SBNO1: variants seen among roughly 807,000 people sequenced by gnomAD.
SBNO1 encodes strawberry notch homolog 1.
Under a neutral mutation model 173.6 loss-of-function variants are expected in SBNO1, and 23 were observed. That is an observed-to-expected ratio of 0.13 (90% confidence interval 0.10 to 0.19). The LOEUF is 0.19. Ranked by LOEUF, SBNO1 falls within the 10% of genes least tolerant of loss-of-function variation. The pLI, the probability that SBNO1 is intolerant of heterozygous loss-of-function variation, is 1.00. For missense variants in SBNO1, 1,238 were observed against 1,671.2 expected (o/e 0.74, Z 4.52); for synonymous variants, 632 against 571.5 (o/e 1.11, Z -1.51).
At chr12:123,310,930 G>A (rs1232044396) in intron 25 of SBNO1, 125 bp downstream of exon 25, 2 of 691,016 alleles carry the variant, frequency 2.9e-6, no homozygotes, top group South Asian at 1.7e-5. Context: ...ATACCCCACA[G>A]CAGCCAAAAC....
In SBNO1 at chr12:123,350,322, C is replaced by T. The variant is rs778162771; in HGVS notation, c.120G>A (p.Pro40=). 1.9e-5 allele frequency: 31 copies of T among 1,613,862 alleles called. No individual in the cohort carries two copies. The highest frequency in any genetic ancestry group is 2.5e-5 in the Non-Finnish European group (30 of 1,179,958). Residue 40 remains proline, a synonymous_variant, in exon 2 of 32, where the codon CCG becomes CCA. Transcript: ENST00000602398. Reference sequence around the variant, plus strand: ...GGAAAACTCTTACCTGCTGAACTGACGGGGTAGGCATTGGAGTTGCAAGCC... The same window carrying T: ...GGAAAACTCTTACCTGCTGAACTGATGGGGTAGGCATTGGAGTTGCAAGCC... ...DAGLATPMPT[P]SVQQSVPLSA...
chr12:123,301,518 G>A (rs1412522142), intron 30 of SBNO1, among the ~76,000 whole-genome samples: 2 of 152,146 alleles, frequency 1.3e-5, no homozygotes, highest in African/African-American at 4.8e-5. Flanking sequence ...GATACTGTAA[G>A]AGCATTAACT....
At chr12:123,344,176 C>A (rs1872854354) in intron 4 of SBNO1, among the ~76,000 whole-genome samples, 1 of 152,178 alleles carries the variant, frequency 6.6e-6, no homozygotes, top group African/African-American at 2.4e-5. Context: ...GCATCTTCCA[C>A]CAACTGTCGA....
At chr12:123,315,238 T>C (rs1361961594) in intron 23 of SBNO1, 135 bp downstream of exon 23, 12 of 650,288 alleles carry the variant, frequency 1.8e-5, no homozygotes, top group South Asian at 1.5e-4. Flanking sequence ...TTCTGTCTTA[T>C]AGGAAGCCAT....
chr12:123,328,628 C>T, intron 10 of SBNO1, 106 bp downstream of exon 10: 1 of 924,476 alleles, frequency 1.1e-6, no homozygotes, highest in Admixed American at 2.9e-5. Flanking sequence ...TTAAAGTTTT[C>T]ACTCCAGCAA....
At chr12:123,346,153 C>T (rs1873108787) in intron 3 of SBNO1, among the ~76,000 whole-genome samples, 1 of 152,184 alleles carries the variant, frequency 6.6e-6, no homozygotes, top group Non-Finnish European at 1.5e-5. Flanking sequence ...CAGTGGTGTG[C>T]ACCTGCATTT....
At chr12:123,348,496 G>C (rs1873487928) in intron 2 of SBNO1, among the ~76,000 whole-genome samples, 2 of 152,262 alleles carry the variant, frequency 1.3e-5, no homozygotes, top group Admixed American at 6.5e-5. Flanking sequence ...GCCAGGCGCA[G>C]TGGCTCACGC....
rs141388189 is a variant in SBNO1 at position 123,310,732 on chromosome 12, A to G, written c.3295+323T>C. ...GTATTTTTAGTAGAGATGGGGTTTC[A>G]TCATATTGGCCAGGCTGGTTGCAAA... On this transcript the variant is annotated intron_variant, in intron 25 of 31. Coordinates refer to ENST00000602398, the MANE Select transcript of SBNO1 (RefSeq NM_001167856.3). Among the ~76,000 whole-genome samples the G allele has an allele frequency of 3.9e-3, 590 of 151,400 alleles. 2 individuals are homozygous for G. The highest frequency in any genetic ancestry group is 0.014 in the African/African-American group (559 of 41,188).
Position 123,295,485 on chromosome 12 carries a change from C to A in SBNO1, c.*423G>T, listed in dbSNP as rs745906609. 1 of 154,946 alleles carries A rather than the reference C, an allele frequency of 6.5e-6. No individual in the cohort carries two copies. The highest frequency in any genetic ancestry group is 1.4e-5 in the Non-Finnish European group (1 of 69,958). 9.6% of individuals were successfully genotyped at this position (154,946 alleles called of 1,614,324 possible). On this transcript the variant is annotated 3_prime_UTR_variant, in exon 32 of 32. Transcript: ENST00000602398. ...TTTATAGACTCAAAACACATGCATC[C>A]GGGGATACCTCCCACAGCAATGGCA...
intron 7 of SBNO1, among the ~76,000 whole-genome samples, chr12:123,331,648 A>G (rs1369884696): frequency 6.6e-6 from 1 of 151,900 alleles, no homozygotes; most frequent in African/African-American, 2.4e-5. Context: ...CAGCCTCCTG[A>G]GTAGGTGGGA....
At position 123,292,817 on chromosome 12, in the gene SBNO1, A is replaced by G. The variant is rs577902391; in HGVS notation, c.*3091T>C. The G allele has an allele frequency of 6.6e-6, 1 of 152,380 alleles. No homozygotes were observed. The highest frequency in any genetic ancestry group is 2.1e-4 in the South Asian group (1 of 4,832). 9.4% of individuals were successfully genotyped at this position (152,380 alleles called of 1,614,324 possible). ...GTCTAACTGTAATTTAGCAGCAGAA[A>G]AAGAAAACTGCTTAACATATTTGCT... On this transcript the variant is annotated 3_prime_UTR_variant, in exon 32 of 32. Coordinates refer to ENST00000602398, the MANE Select transcript of SBNO1 (RefSeq NM_001167856.3).
In SBNO1 at chr12:123,289,805, C is replaced by G. The variant is rs1006419917; in HGVS notation, c.*6103G>C. The G allele has an allele frequency of 6.6e-6, 1 of 152,236 alleles. No homozygotes were observed. Among genetic ancestry groups the G allele is most frequent in the Non-Finnish European group, 1.5e-5 (1 of 68,044 alleles). The allele number at this position is 152,236 out of a possible 1,614,324, so 9.4% of individuals were successfully genotyped here. On this transcript the variant is annotated 3_prime_UTR_variant, in exon 32 of 32. Transcript: ENST00000602398. ...CTATGTAGAAAAAAAGCTCTCTCTG[C>G]CCCATAAAGTGGGAGTCAGAAAGAG... is the stretch of plus-strand genomic sequence containing the variant.
At chr12:123,364,549 C>G (rs7485502) in intron 1 of SBNO1, 152 bp downstream of exon 1, 215,793 of 983,766 alleles carry the variant, frequency 0.22, 25,567 homozygotes, top group African/African-American at 0.45. Flanking sequence ...AGCGCGCGGC[C>G]GCGAGGAGCG....
chr12:123,328,057 C>T (rs1328845284), intron 10 of SBNO1, 30 bp from the exon 11 acceptor site: 1 of 1,549,670 alleles, frequency 6.5e-7, no homozygotes, highest in African/African-American at 1.4e-5. Flanking sequence ...GAATGTATCA[C>T]ATTAGTATTA....
intron 31 of SBNO1, among the ~76,000 whole-genome samples, chr12:123,296,636 T>C (rs1455372000): frequency 2.0e-5 from 3 of 151,580 alleles, no homozygotes; most frequent in Non-Finnish European, 2.9e-5. Context: ...TCTTGGCTCA[T>C]TGCAACCTCC....
At chr12:123,356,866 T>G (rs1019829782) in intron 1 of SBNO1, among the ~76,000 whole-genome samples, 3 of 152,268 alleles carry the variant, frequency 2.0e-5, no homozygotes, top group Non-Finnish European at 2.9e-5. Context: ...TGTGCACGGA[T>G]ACTATCACTT....
intron 1 of SBNO1, among the ~76,000 whole-genome samples, chr12:123,360,059 A>C (rs1014208186): frequency 1.3e-5 from 2 of 151,956 alleles, no homozygotes; most frequent in Non-Finnish European, 2.9e-5. Flanking sequence ...GGCCAACGTG[A>C]TGAAACCCTG....
At position 123,327,520 on chromosome 12, in the gene SBNO1, G is replaced by A. The variant is rs761288111; in HGVS notation, c.1598C>T (p.Ala533Val). The change falls in exon 13 of 32, where the codon GCT (alanine) becomes GTT (valine). Residue 533 changes from alanine to valine, a missense_variant. By Grantham distance (64) the Ala-to-Val change is moderately conservative. Around this residue, in one of 14 missense-constraint regions of SBNO1, gnomAD observed 182 missense variants for 339.9 expected, o/e 0.54. Coordinates refer to ENST00000602398, the MANE Select transcript of SBNO1 (RefSeq NM_001167856.3). The stretch of plus-strand genomic sequence containing the variant: ...CACTCCAGTAAAGCTCAGTTGTCGA[G>A]CAATGTACATTCCTCTAAGCTTCAT... ...MDMKLRGMYI[A>V]RQLSFTGVTF... The A allele has an allele frequency of 1.2e-6, 2 of 1,613,736 alleles. No homozygotes were observed. Among genetic ancestry groups the A allele is most frequent in the Non-Finnish European group, 1.7e-6 (2 of 1,179,706 alleles).
intron 2 of SBNO1, chr12:123,348,974 T>A (rs9300255): frequency 6.9e-6 from 1 of 144,848 alleles, no homozygotes. Flanking sequence ...AAAAAAAATT[T>A]TTTTTAGTCT....
Sources: allele counts gnomAD v4.1 joint callset (sites outside exome capture counted in the v4.1 genomes callset), GRCh38; gene constraint gnomAD v4.1.1; regional missense constraint gnomAD v4.1.1; transcripts MANE v1.5; gene names NCBI Gene and HGNC (gene_info 2026-07-23, HGNC 2026-07-21).